ABI3BP: variants seen among roughly 807,000 people sequenced by gnomAD.
ABI3BP encodes ABI family member 3 binding protein.
A neutral mutation model predicts 268.6 loss-of-function variants in ABI3BP; 216 were observed. The observed-to-expected ratio is 0.80, with a 90% CI of 0.72 to 0.90. The LOEUF (loss-of-function observed/expected upper bound fraction) is 0.90. Among genes scored for constraint, ABI3BP ranks in the 40% least tolerant of loss-of-function variants. ABI3BP has a pLI of 0.00. For synonymous variants in ABI3BP, 730 were observed against 730.0 expected, an observed-to-expected ratio of 1.00 and a Z score of 0.00; for missense variants, 2,090 against 2,182.4, an observed-to-expected ratio of 0.96 and a Z score of 0.84.
chr3:100,795,766 A>G (rs898389608), intron 53 of ABI3BP, 38 bp downstream of exon 53: 181 of 1,266,128 alleles, frequency 1.4e-4, no homozygotes, highest in Non-Finnish European at 1.7e-4. Flanking sequence ...TGATGGTAGC[A>G]AAGAAAACAG....
At chr3:100,782,125 G>A (rs760546871) in intron 57 of ABI3BP, among the ~76,000 whole-genome samples, 2 of 152,188 alleles carry the variant, frequency 1.3e-5, no homozygotes, top group African/African-American at 2.4e-5. Context: ...CTGTGTGAGG[G>A]CTAAATGGCC....
rs1579901675 is a variant in ABI3BP at position 100,839,584 on chromosome 3, A to G, written c.1930T>C (p.Leu644=). 6.5e-7 allele frequency: 1 copy of G among 1,535,868 alleles called. No homozygotes were observed. Among genetic ancestry groups the G allele is most frequent in the East Asian group, 2.4e-5 (1 of 40,916 alleles). The change falls in exon 24 of 68, where the codon TTG becomes CTG. Residue 644 remains leucine (L), a synonymous_variant. Coordinates refer to ENST00000471714, the MANE Select transcript of ABI3BP (RefSeq NM_001375547.2). ...GTAGAATTACCAGTTGTGGGCACCA[A>G]GGGCTCCGGTTGTATCGTGGCAGGT... ...LEPATIQPEP[L]VPTTASKPSE... is the part of the protein sequence containing the mutation.
chr3:100,838,132 T>C, intron 26 of ABI3BP, 78 bp downstream of exon 26: 2 of 1,393,340 alleles, frequency 1.4e-6, no homozygotes, highest in Middle Eastern at 1.8e-4. Context: ...ATTTATATGA[T>C]ATGACAGATT....
intron 6 of ABI3BP, among the ~76,000 whole-genome samples, chr3:100,881,589 C>G (rs975081735): frequency 6.6e-6 from 1 of 151,706 alleles, no homozygotes; most frequent in African/African-American, 2.4e-5. Context: ...TATTAGCCAT[C>G]ATTCTTTATT....
At chr3:100,973,553 A>G (rs1360632444) in intron 1 of ABI3BP, among the ~76,000 whole-genome samples, 3 of 152,144 alleles carry the variant, frequency 2.0e-5, no homozygotes, top group Non-Finnish European at 4.4e-5. Context: ...TTTGTTTCCA[A>G]TCCAGTGATC....
chr3:100,759,144 A>T (rs750559182), intron 63 of ABI3BP, among the ~76,000 whole-genome samples: 1 of 152,154 alleles, frequency 6.6e-6, no homozygotes, highest in African/African-American at 2.4e-5. Context: ...ACTGTTTTTT[A>T]TATAGAAAGT....
chr3:100,904,125 C>A (rs1035716374), intron 2 of ABI3BP, among the ~76,000 whole-genome samples: 2 of 152,122 alleles, frequency 1.3e-5, no homozygotes, highest in African/African-American at 4.8e-5. Context: ...ATATTGAGAA[C>A]CTTATATTCA....
intron 57 of ABI3BP, among the ~76,000 whole-genome samples, chr3:100,784,352 G>C (rs1243308396): frequency 6.6e-6 from 1 of 152,044 alleles, no homozygotes; most frequent in East Asian, 1.9e-4. Flanking sequence ...TGCAAGAATG[G>C]CCATTATCAA....
chr3:100,981,190 A>G (rs1427838181), intron 1 of ABI3BP, among the ~76,000 whole-genome samples: 7 of 152,126 alleles, frequency 4.6e-5, no homozygotes, highest in Non-Finnish European at 1.0e-4. Context: ...AAGCAATGAT[A>G]TTCTTCAACC....
intron 2 of ABI3BP, among the ~76,000 whole-genome samples, chr3:100,920,447 G>A (rs911811225): frequency 1.4e-4 from 21 of 151,718 alleles, no homozygotes; most frequent in African/African-American, 4.1e-4. Flanking sequence ...TTTTTAAGAT[G>A]GAGTCTTGCT....
chr3:100,912,888 G>A (rs931541300), intron 2 of ABI3BP, among the ~76,000 whole-genome samples: 1 of 152,176 alleles, frequency 6.6e-6, no homozygotes, highest in African/African-American at 2.4e-5. Context: ...CCAGCGCCCT[G>A]GGCTCTGTGA....
intron 1 of ABI3BP, among the ~76,000 whole-genome samples, chr3:100,958,950 A>G (rs922086459): frequency 5.9e-5 from 9 of 152,172 alleles, no homozygotes; most frequent in Non-Finnish European, 1.0e-4. Flanking sequence ...TCCCATGGAC[A>G]TTCTCAAAAC....
chr3:100,991,046 C>G (rs1391797028), intron 1 of ABI3BP, among the ~76,000 whole-genome samples: 1 of 152,186 alleles, frequency 6.6e-6, no homozygotes, highest in East Asian at 1.9e-4. Context: ...TTTATGAACA[C>G]TAGACATTCT....
chr3:100,979,781 C>T (rs1279155988), intron 1 of ABI3BP, among the ~76,000 whole-genome samples: 6 of 152,178 alleles, frequency 3.9e-5, no homozygotes, highest in Non-Finnish European at 7.3e-5. Context: ...TTATATAACG[C>T]AATTCAGCTC....
intron 56 of ABI3BP, 83 bp downstream of exon 56, chr3:100,789,371 C>G: frequency 1.5e-6 from 2 of 1,323,504 alleles, no homozygotes; most frequent in Non-Finnish European, 1.1e-6. Flanking sequence ...TAAGGGTTCC[C>G]CTTTGGTGTA....
intron 13 of ABI3BP, 101 bp from the exon 14 acceptor site, chr3:100,862,486 G>A: frequency 1.4e-6 from 1 of 724,464 alleles, no homozygotes; most frequent in Non-Finnish European, 2.3e-6. Flanking sequence ...GCTACCAGAA[G>A]CCTGCAGTAT....
chr3:100,979,059 T>A (rs1328422842), intron 1 of ABI3BP, among the ~76,000 whole-genome samples: 3 of 152,140 alleles, frequency 2.0e-5, no homozygotes. Context: ...GAAACGCAAA[T>A]TATTCAAACC....
intron 2 of ABI3BP, among the ~76,000 whole-genome samples, chr3:100,915,418 G>A (rs1432375902): frequency 3.9e-5 from 6 of 152,314 alleles, no homozygotes; most frequent in East Asian, 3.9e-4. Context: ...GACTGCTGCC[G>A]CCATGCCCGG....
intron 2 of ABI3BP, among the ~76,000 whole-genome samples, chr3:100,919,549 C>T (rs1319197189): frequency 6.6e-6 from 1 of 152,176 alleles, no homozygotes; most frequent in Non-Finnish European, 1.5e-5. Context: ...TATACTGACT[C>T]ATATCTGATC....
Sources: gnomAD v4.1 joint callset for allele counts (sites outside exome capture counted in the v4.1 genomes callset) on GRCh38, gnomAD v4.1.1 for gene constraint, MANE v1.5 for transcripts, NCBI Gene and HGNC (gene_info 2026-07-23, HGNC 2026-07-21) for gene names.